TTLL5: variants seen among roughly 807,000 people sequenced by gnomAD.
The protein encoded by TTLL5 is tubulin tyrosine ligase like 5.
In TTLL5, 132 loss-of-function variants were observed where a neutral mutation model predicts 168.4. The observed-to-expected ratio is 0.78, with a 90% confidence interval of 0.68 to 0.91. TTLL5 has a LOEUF of 0.91. Among genes scored for constraint, TTLL5 ranks in the 40% least tolerant of loss-of-function variants. TTLL5 has a pLI of 0.00. For synonymous variants in TTLL5, 546 were observed against 558.6 expected (o/e 0.98, Z 0.32); for missense variants, 1,545 against 1,581.5 (o/e 0.98, Z 0.39).
intron 26 of TTLL5, among the ~76,000 whole-genome samples, chr14:75,785,961 C>T (rs982525442): frequency 2.6e-5 from 4 of 152,130 alleles, no homozygotes; most frequent in Non-Finnish European, 5.9e-5. Context: ...TGGGGACTAT[C>T]TTAACATCAG....
At chr14:75,667,732 A>T (rs1410070054) in intron 2 of TTLL5, among the ~76,000 whole-genome samples, 2 of 148,158 alleles carry the variant, frequency 1.3e-5, no homozygotes, top group East Asian at 3.9e-4. Flanking sequence ...CTGTGCATTC[A>T]GAGTGTGGAT....
intron 2 of TTLL5, among the ~76,000 whole-genome samples, chr14:75,664,327 G>A (rs149712929): frequency 1.8e-4 from 28 of 152,210 alleles, no homozygotes; most frequent in African/African-American, 6.7e-4. Flanking sequence ...ATTATTGCTT[G>A]ACACAGAGTA....
chr14:75,934,083 GGC>G (rs1182586694), intron 31 of TTLL5, among the ~76,000 whole-genome samples: 1 of 152,218 alleles, frequency 6.6e-6, no homozygotes, highest in East Asian at 1.9e-4. Context: ...ATCCCATAGT[GGC>G]TGGCCTCCCC....
intron 12 of TTLL5, among the ~76,000 whole-genome samples, chr14:75,730,245 AT>A (rs1888446070): frequency 6.6e-6 from 1 of 152,318 alleles, no homozygotes; most frequent in South Asian, 2.1e-4. Flanking sequence ...ATTTAGTGCT[AT>A]ATCACAGATG....
intron 29 of TTLL5, among the ~76,000 whole-genome samples, chr14:75,872,877 A>C (rs1595183971): frequency 6.8e-6 from 1 of 146,920 alleles, no homozygotes; most frequent in South Asian, 2.2e-4. Flanking sequence ...TGGCCATTGC[A>C]CTCCAGCCTG....
intron 28 of TTLL5, among the ~76,000 whole-genome samples, chr14:75,829,191 G>C (rs1895418603): frequency 6.6e-6 from 1 of 152,208 alleles, no homozygotes; most frequent in African/African-American, 2.4e-5. Flanking sequence ...GTTGAACCTG[G>C]AAGGGTAGAT....
chr14:75,724,408 T>A (rs1215426535), intron 12 of TTLL5, among the ~76,000 whole-genome samples: 1 of 152,194 alleles, frequency 6.6e-6, no homozygotes, highest in African/African-American at 2.4e-5. Context: ...TTATGTAGGA[T>A]GAGATACAGA....
intron 31 of TTLL5, 104 bp from the exon 32 acceptor site, chr14:75,954,320 T>A (rs1015575001): frequency 2.5e-6 from 3 of 1,224,480 alleles, no homozygotes; most frequent in Non-Finnish European, 3.6e-6. Context: ...GGGCCACCAC[T>A]TCTTTATTCT....
At chr14:75,857,660 G>A (rs1245147229) in intron 28 of TTLL5, among the ~76,000 whole-genome samples, 1 of 143,238 alleles carries the variant, frequency 7.0e-6, no homozygotes, top group Non-Finnish European at 1.5e-5. Context: ...TTTTTTTGGT[G>A]GGGAGGGGGA....
intron 31 of TTLL5, among the ~76,000 whole-genome samples, chr14:75,928,696 T>C (rs2034168802): frequency 6.6e-6 from 1 of 152,056 alleles, no homozygotes; most frequent in Admixed American, 6.5e-5. Flanking sequence ...TTAACCTGCC[T>C]GGTGATCGCA....
intron 4 of TTLL5, 36 bp from the exon 5 acceptor site, chr14:75,683,514 G>GT (rs1183067420): frequency 3.3e-6 from 5 of 1,523,158 alleles, no homozygotes; most frequent in Non-Finnish European, 4.5e-6. Context: ...TATCTCTGAT[G>GT]TTTTTTTGCC....
At chr14:75,836,987 T>C (rs1555350213) in intron 28 of TTLL5, among the ~76,000 whole-genome samples, 1 of 152,256 alleles carries the variant, frequency 6.6e-6, no homozygotes, top group Non-Finnish European at 1.5e-5. Context: ...CAAAACAAAT[T>C]ACTGTAACAT....
In TTLL5 at chr14:75,748,660, G is replaced by T. The variant is rs538176714; in HGVS notation, c.1487+3079G>T. Among the ~76,000 whole-genome samples the T allele has an allele frequency of 3.9e-5, 6 of 152,346 alleles. No individual in the cohort carries two copies. In the South Asian group the frequency reaches 1.2e-3, roughly 32 times the overall value. On this transcript the variant is annotated intron_variant, in intron 17 of 31. Transcript: ENST00000298832. ...ACATGTGAATGTTAAGCTTTAAAAG[G>T]TAATGCTTTAGGAAAAAAGATAAAG... is the stretch of plus-strand genomic sequence containing the variant.
intron 15 of TTLL5, among the ~76,000 whole-genome samples, chr14:75,736,187 G>A (rs1888894820): frequency 6.6e-6 from 1 of 152,066 alleles, no homozygotes. Flanking sequence ...GGCATAAGCA[G>A]CTTTTTCTTC....
At chr14:75,934,819 C>T (rs994644313) in intron 31 of TTLL5, among the ~76,000 whole-genome samples, 1 of 152,172 alleles carries the variant, frequency 6.6e-6, no homozygotes, top group Non-Finnish European at 1.5e-5. Context: ...ACCATTCTCT[C>T]ATTGTTAATG....
chr14:75,693,725 A>G (rs1885624886), intron 6 of TTLL5, among the ~76,000 whole-genome samples: 1 of 152,260 alleles, frequency 6.6e-6, no homozygotes, highest in Admixed American at 6.5e-5. Flanking sequence ...ATGGGGTGGT[A>G]CCAGTATCAG....
chr14:75,734,096 G>A (rs540972668), intron 14 of TTLL5, 46 bp downstream of exon 14: 34 of 1,587,618 alleles, frequency 2.1e-5, no homozygotes, highest in Middle Eastern at 1.7e-4. Context: ...AAAATTAACC[G>A]GAGCGTCCAT....
At chr14:75,776,607 C>T in intron 22 of TTLL5, 140 bp from the exon 23 acceptor site, 2 of 499,976 alleles carry the variant, frequency 4.0e-6, no homozygotes, top group South Asian at 9.9e-5. Context: ...TTATAGGTGG[C>T]AAAAGTACAT....
chr14:75,706,897 T>G (rs2140171571), intron 7 of TTLL5, 121 bp from the exon 8 acceptor site: 2 of 792,272 alleles, frequency 2.5e-6, no homozygotes, highest in Non-Finnish European at 4.0e-6. Context: ...GGAGGAAACT[T>G]TAACCAGAAT....
Sources: gnomAD v4.1 joint callset for allele counts (sites outside exome capture counted in the v4.1 genomes callset) on GRCh38, gnomAD v4.1.1 for gene constraint, MANE v1.5 for transcripts, NCBI Gene and HGNC (gene_info 2026-07-23, HGNC 2026-07-21) for gene names.